Variants in RTN3 observed in about 807,000 individuals in gnomAD.
The protein encoded by RTN3 is reticulon 3.
RTN3 carries 49 observed loss-of-function variants against 77.8 expected under a neutral mutation model. That is an observed-to-expected ratio of 0.63 (90% CI 0.50 to 0.80). The LOEUF is 0.80. RTN3 is among the 30% of genes least tolerant of loss of function. The pLI is 0.00. For missense variants in RTN3, 1,236 were observed against 1,211.9 expected (o/e 1.02, Z -0.29); for synonymous variants, 464 against 446.9 (o/e 1.04, Z -0.48).
intron 1 of RTN3, among the ~76,000 whole-genome samples, chr11:63,696,445 C>T (rs1378048178): frequency 2.0e-5 from 3 of 150,190 alleles, no homozygotes; most frequent in South Asian, 2.1e-4. Context: ...CGGTGGCTCA[C>T]GCCTGTAATC....
At chr11:63,751,373 A>G (rs1479975088) in intron 4 of RTN3, among the ~76,000 whole-genome samples, 1 of 152,160 alleles carries the variant, frequency 6.6e-6, no homozygotes, top group Non-Finnish European at 1.5e-5. Context: ...ATCTCTTACT[A>G]GTTTTCTTAA....
At chr11:63,700,423 A>C (rs1277446425) in intron 1 of RTN3, among the ~76,000 whole-genome samples, 1 of 151,246 alleles carries the variant, frequency 6.6e-6, no homozygotes, top group Non-Finnish European at 1.5e-5. Flanking sequence ...CTATAGGCTC[A>C]TGCCACCACA....
At chr11:63,705,613 C>T (rs971195496) in intron 2 of RTN3, among the ~76,000 whole-genome samples, 2 of 152,240 alleles carry the variant, frequency 1.3e-5, no homozygotes, top group African/African-American at 4.8e-5. Flanking sequence ...TAAAAGTGTG[C>T]TTCCACTGAA....
At chr11:63,735,065 C>T (rs530619981) in intron 3 of RTN3, among the ~76,000 whole-genome samples, 4 of 152,216 alleles carry the variant, frequency 2.6e-5, no homozygotes, top group Admixed American at 1.3e-4. Flanking sequence ...CTTTCTCTGT[C>T]GCCCAGGCTG....
chr11:63,688,981 T>C, intron 1 of RTN3, among the ~76,000 whole-genome samples: 1 of 152,182 alleles, frequency 6.6e-6, no homozygotes, highest in Non-Finnish European at 1.5e-5. Flanking sequence ...TTTTTGTAAT[T>C]CTGAACAGAA....
At chr11:63,715,213 T>G (rs1165824115) in intron 2 of RTN3, among the ~76,000 whole-genome samples, 1 of 152,248 alleles carries the variant, frequency 6.6e-6, no homozygotes, top group Non-Finnish European at 1.5e-5. Context: ...TTTTTCTGTT[T>G]TATTCACTGC....
At chr11:63,702,670 GTTTTTGTTTTTTTGTT>G (rs1378553904) in intron 1 of RTN3, among the ~76,000 whole-genome samples, 4 of 142,630 alleles carry the variant, frequency 2.8e-5, no homozygotes, top group African/African-American at 7.8e-5. Flanking sequence ...ACTGCACTTT[GTTTTTGTTTTTTTGTT>G]TTTTTGTTTT....
At chr11:63,714,768 C>T (rs970245375) in intron 2 of RTN3, among the ~76,000 whole-genome samples, 4 of 152,024 alleles carry the variant, frequency 2.6e-5, no homozygotes, top group Admixed American at 6.6e-5. Context: ...CCTCCTGTGC[C>T]TCCCAAAGTT....
At chr11:63,740,448 ATTTTTT>A (rs34045543) in intron 3 of RTN3, among the ~76,000 whole-genome samples, 9 of 120,740 alleles carry the variant, frequency 7.5e-5, no homozygotes, top group Admixed American at 8.7e-5. Context: ...TGCCTGGCTA[ATTTTTT>A]TTTTTTTTTT....
chr11:63,757,729 T>C (rs889820971), intron 8 of RTN3, among the ~76,000 whole-genome samples: 2 of 149,466 alleles, frequency 1.3e-5, no homozygotes, highest in East Asian at 2.0e-4. Flanking sequence ...TTTCTTTTTT[T>C]TTTTTTTTTT....
At chr11:63,716,967 TCAAAAAAAAAA>T (rs1162459631) in intron 2 of RTN3, among the ~76,000 whole-genome samples, 1 of 23,030 alleles carries the variant, frequency 4.3e-5, no homozygotes, top group Non-Finnish European at 1.0e-4. Context: ...AGACTCCGTC[TCAAAAAAAAAA>T]CAAAAAAAAA....
intron 1 of RTN3, among the ~76,000 whole-genome samples, chr11:63,690,128 A>G (rs1941578650): frequency 6.6e-6 from 1 of 152,144 alleles, no homozygotes; most frequent in South Asian, 2.1e-4. Flanking sequence ...ATATCATCAT[A>G]ACTTAACCAG....
At chr11:63,708,453 C>T (rs1942600699) in intron 2 of RTN3, among the ~76,000 whole-genome samples, 1 of 152,104 alleles carries the variant, frequency 6.6e-6, no homozygotes, top group East Asian at 1.9e-4. Flanking sequence ...CATGAGCCAC[C>T]ATACCTGGCC....
chr11:63,719,070 G>T lies in RTN3; in HGVS notation c.568G>T (p.Val190Leu). ...TAAAGAGACCAAGAACCCAAATGGG[G>T]TATCAAGTAGGGAGGCTAAAACTGC... ...IDKETKNPNG[V>L]SSREAKTALD... is the part of the protein sequence containing the mutation. The change falls in exon 3 of 9, where the codon GTA becomes TTA. Residue 190 changes from valine (V) to leucine (L), a missense_variant. This residue lies in a region of RTN3 where 1,056 missense variants were observed against 990.4 expected (regional missense o/e 1.07). Transcript: ENST00000377819. 1 of 1,614,162 alleles carries T rather than the reference G, an allele frequency of 6.2e-7. No individual in the cohort carries two copies. The highest frequency in any genetic ancestry group is 8.5e-7 in the Non-Finnish European group (1 of 1,180,018).
At chr11:63,693,431 C>G (rs1051085193) in intron 1 of RTN3, among the ~76,000 whole-genome samples, 1 of 151,978 alleles carries the variant, frequency 6.6e-6, no homozygotes, top group Non-Finnish European at 1.5e-5. Context: ...TTGTGGTGAG[C>G]CGAGATCGCA....
Position 63,731,873 on chromosome 11 carries a change from G to A in RTN3, c.2530+10841G>A, listed in dbSNP as rs553363341. ...TCATCATGTTGGCCAGGATGGTCTC[G>A]ATCTCTTGACCTTGTGATCCGTCCA... On this transcript the variant is annotated intron_variant, in intron 3 of 8. Transcript: ENST00000377819. 6.6e-5 allele frequency among the ~76,000 whole-genome samples: 10 copies of A among 152,106 alleles called. No individual in the cohort carries two copies. The South Asian group carries it at 1.9e-3, about 28-fold the overall frequency.
intron 3 of RTN3, among the ~76,000 whole-genome samples, chr11:63,742,270 C>T (rs12791588): frequency 0.012 from 1,812 of 151,522 alleles, 17 homozygotes; most frequent in Non-Finnish European, 0.018. Context: ...TGAGCCACCG[C>T]GCCTTGCCTG....
intron 6 of RTN3, 65 bp from the exon 7 acceptor site, chr11:63,753,595 ACT>A (rs1281332691): frequency 1.4e-6 from 2 of 1,390,012 alleles, no homozygotes; most frequent in African/African-American, 1.4e-5. Context: ...TGTATATGTT[ACT>A]CTGAGTCTTA....
At chr11:63,731,476 T>G (rs2012687672) in intron 3 of RTN3, among the ~76,000 whole-genome samples, 1 of 152,130 alleles carries the variant, frequency 6.6e-6, no homozygotes, top group Admixed American at 6.5e-5. Flanking sequence ...AGACAACATC[T>G]AGGAAAATTC....
Sources: allele counts gnomAD v4.1 joint callset (sites outside exome capture counted in the v4.1 genomes callset), GRCh38; gene constraint gnomAD v4.1.1; regional missense constraint gnomAD v4.1.1; transcripts MANE v1.5; gene names NCBI Gene and HGNC (gene_info 2026-07-23, HGNC 2026-07-21).